The following DNAJC10 variants were observed in gnomAD, a reference collection of about 807,000 sequenced individuals.
DNAJC10 encodes endoplasmic reticulum disulfide reductase DNAJC10.
A neutral mutation model predicts 115.0 loss-of-function variants in DNAJC10; 101 were observed. The ratio of observed to expected loss-of-function variants is 0.88; its 90% CI spans 0.75 to 1.04. The LOEUF (loss-of-function observed/expected upper bound fraction) is 1.04, where lower values mean the gene tolerates loss of function less well. Among genes scored for constraint, DNAJC10 ranks in the 50% least tolerant of loss-of-function variants. The pLI is 0.00. For missense variants in DNAJC10, 981 were observed against 928.8 expected, an observed-to-expected ratio of 1.06 and a Z score of -0.73; for synonymous variants, 307 against 301.5, an observed-to-expected ratio of 1.02 and a Z score of -0.19.
rs761578466 is a variant in DNAJC10 at position 182,741,252 on chromosome 2, G to C, written c.1087G>C (p.Ala363Pro). The change falls in exon 13 of 24, where the codon GCT becomes CCT. Residue 363 changes from alanine (A) to proline (P), a missense_variant. Transcript: ENST00000264065. ...CTTTATCACTTTTAAGGATCGTTTG[G>C]CTCATCATCGGTGGCTGTTATTTTT... ...LSANTLEDRL[A>P]HHRWLLFFHF... 6.3e-7 allele frequency: 1 copy of C among 1,598,872 alleles called. No individual in the cohort carries two copies. Among genetic ancestry groups the C allele is most frequent in the African/African-American group, 1.4e-5 (1 of 73,764 alleles).
At chr2:182,727,451 G>T (rs1693318737) in intron 5 of DNAJC10, among the ~76,000 whole-genome samples, 3 of 151,996 alleles carry the variant, frequency 2.0e-5, no homozygotes, top group South Asian at 2.1e-4. Context: ...ACCTAAATTT[G>T]TACTGGTTTG....
Position 182,791,317 on chromosome 2 carries a change from G to C in DNAJC10, c.*14185G>C, listed in dbSNP as rs1350936303. The C allele has an allele frequency of 6.6e-6, 1 of 152,024 alleles. No homozygotes were observed. Among genetic ancestry groups the C allele is most frequent in the African/African-American group, 2.4e-5 (1 of 41,398 alleles). The allele number at this position is 152,024 out of a possible 1,614,324, so 9.4% of individuals were successfully genotyped here. ...CATAGAAACTCACCCAGCCTCAAAA[G>C]TTAAAAATTAAGAGAGATATGTATT... is the stretch of plus-strand genomic sequence containing the variant. On this transcript the variant is annotated 3_prime_UTR_variant, in exon 24 of 24. Transcript: ENST00000264065.
At chr2:182,773,677 A>G (rs1330755396) in intron 22 of DNAJC10, among the ~76,000 whole-genome samples, 1 of 152,208 alleles carries the variant, frequency 6.6e-6, no homozygotes, top group Non-Finnish European at 1.5e-5. Flanking sequence ...TTTCAACTCC[A>G]TCAGGTCCTT....
At chr2:182,758,989 G>T (rs1694225540) in intron 20 of DNAJC10, 99 bp downstream of exon 20, 1 of 1,145,540 alleles carries the variant, frequency 8.7e-7, no homozygotes, top group East Asian at 2.5e-5. Context: ...TAAGGTTCTA[G>T]CATTTTAAAT....
chr2:182,761,741 C>T (rs1340457563), intron 21 of DNAJC10, among the ~76,000 whole-genome samples: 4 of 151,968 alleles, frequency 2.6e-5, no homozygotes, highest in Admixed American at 6.6e-5. Context: ...CAGGCCAATG[C>T]GTGGTTAGAT....
In DNAJC10 at chr2:182,784,031, A is replaced by G. The variant is rs1694902674; in HGVS notation, c.*6899A>G. On this transcript the variant is annotated 3_prime_UTR_variant, in exon 24 of 24. Coordinates refer to ENST00000264065, the MANE Select transcript of DNAJC10 (RefSeq NM_018981.4). ...TCACTACCGAAATTAAATAAACTTT[A>G]AAATTCATTTTGTTGGCTGGGTGCA... 1 of 152,216 alleles carries G rather than the reference A, an allele frequency of 6.6e-6. No homozygotes were observed. The highest frequency in any genetic ancestry group is 6.6e-5 in the Admixed American group (1 of 15,266). 9.4% of individuals were successfully genotyped at this position (152,216 alleles called of 1,614,324 possible). A position where few individuals can be genotyped will look rare whatever the true frequency, so the allele number is the denominator to read the frequency against.
chr2:182,762,645 C>T (rs1467666155), intron 21 of DNAJC10, 37 bp from the exon 22 acceptor site: 3 of 1,606,240 alleles, frequency 1.9e-6, no homozygotes, highest in Non-Finnish European at 2.6e-6. Flanking sequence ...TAGTTTATGC[C>T]AAACAGAAAA....
chr2:182,736,689 A>G (rs1179238447), intron 11 of DNAJC10, among the ~76,000 whole-genome samples: 1 of 152,216 alleles, frequency 6.6e-6, no homozygotes, highest in East Asian at 1.9e-4. Flanking sequence ...TATGGAGTAC[A>G]TTCCTGGGTT....
chr2:182,760,138 T>C (rs370538417), intron 21 of DNAJC10, among the ~76,000 whole-genome samples: 20 of 152,276 alleles, frequency 1.3e-4, no homozygotes, highest in African/African-American at 4.8e-4. Context: ...TACTCCAGGT[T>C]CTCTGAACAT....
At chr2:182,729,310 G>A (rs1011651621) in intron 7 of DNAJC10, among the ~76,000 whole-genome samples, 1 of 152,040 alleles carries the variant, frequency 6.6e-6, no homozygotes, top group Admixed American at 6.6e-5. Flanking sequence ...TCCCATGTCT[G>A]GCTAATTTTT....
intron 10 of DNAJC10, 43 bp from the exon 11 acceptor site, chr2:182,736,206 G>A (rs192572079): frequency 1.3e-6 from 2 of 1,523,834 alleles, no homozygotes; most frequent in Non-Finnish European, 1.7e-6. Flanking sequence ...TTAACTTTTT[G>A]CCTCCCATTT....
intron 22 of DNAJC10, among the ~76,000 whole-genome samples, chr2:182,775,052 G>C (rs1032961814): frequency 2.0e-5 from 3 of 149,544 alleles, no homozygotes; most frequent in African/African-American, 7.4e-5. Context: ...ATGTTTTGAG[G>C]CTTTTGGAGT....
At chr2:182,727,371 T>A (rs1693316117) in intron 5 of DNAJC10, among the ~76,000 whole-genome samples, 1 of 152,218 alleles carries the variant, frequency 6.6e-6, no homozygotes, top group Non-Finnish European at 1.5e-5. Context: ...AACTACCTCA[T>A]TACTTGTTTA....
intron 21 of DNAJC10, 114 bp downstream of exon 21, chr2:182,759,421 T>C: frequency 1.0e-6 from 1 of 954,476 alleles, no homozygotes; most frequent in Non-Finnish European, 1.6e-6. Context: ...CCTCTGAATT[T>C]AAAAATAGCT....
At chr2:182,745,203 A>G (rs985978782) in intron 14 of DNAJC10, among the ~76,000 whole-genome samples, 2 of 152,204 alleles carry the variant, frequency 1.3e-5, no homozygotes, top group Non-Finnish European at 2.9e-5. Flanking sequence ...TCTGGCACAT[A>G]GTAAGAACTC....
chr2:182,729,064 C>T, intron 7 of DNAJC10, 70 bp downstream of exon 7: 1 of 1,474,162 alleles, frequency 6.8e-7, no homozygotes, highest in South Asian at 1.2e-5. Context: ...GAGAAAATAA[C>T]AGTATGTAGA....
chr2:182,760,457 A>G (rs1417511582), intron 21 of DNAJC10, among the ~76,000 whole-genome samples: 1 of 152,174 alleles, frequency 6.6e-6, no homozygotes, highest in Admixed American at 6.6e-5. Flanking sequence ...ATTTTTCGGT[A>G]TAGCATTGTC....
At chr2:182,771,243 G>C (rs952006040) in intron 22 of DNAJC10, among the ~76,000 whole-genome samples, 10 of 134,396 alleles carry the variant, frequency 7.4e-5, no homozygotes, top group Non-Finnish European at 1.2e-4. Context: ...TCAATATTTA[G>C]GATTTTCACA....
rs1694744697 is a variant in DNAJC10, at chr2:182,777,684, T to G, written c.*552T>G. On this transcript the variant is annotated 3_prime_UTR_variant, in exon 24 of 24. Coordinates refer to ENST00000264065, the MANE Select transcript of DNAJC10 (RefSeq NM_018981.4). ...TAAAAATGCTATCCCTAACCATATA[T>G]TTATATTTCGTTTTAAAAACACCCA... 6.6e-6 allele frequency: 1 copy of G among 152,202 alleles called. No individual in the cohort carries two copies. The highest frequency in any genetic ancestry group is 2.4e-5 in the African/African-American group (1 of 41,452). The allele number at this position is 152,202 out of a possible 1,614,324, so 9.4% of individuals were successfully genotyped here.
Sources: allele counts gnomAD v4.1 joint callset (sites outside exome capture counted in the v4.1 genomes callset), GRCh38; gene constraint gnomAD v4.1.1; transcripts MANE v1.5; gene names NCBI Gene and HGNC (gene_info 2026-07-23, HGNC 2026-07-21).